Variants in ARHGEF7 observed in about 807,000 individuals in gnomAD.
The protein encoded by ARHGEF7 is PAK-interacting exchange factor beta.
A neutral mutation model predicts 109.8 loss-of-function variants in ARHGEF7; 33 were observed. The ratio of observed to expected loss-of-function variants is 0.30; its 90% CI spans 0.23 to 0.40. The LOEUF is 0.40. Ranked by LOEUF, ARHGEF7 falls within the 10% of genes least tolerant of loss-of-function variation. The probability of loss-of-function intolerance (pLI) is 1.00; values close to 1 mark genes in which losing one functional copy is unlikely to be tolerated. For synonymous variants in ARHGEF7, 458 were observed against 424.6 expected (o/e 1.08, Z -0.97); for missense variants, 938 against 1,098.5 (o/e 0.85, Z 2.07).
intron 9 of ARHGEF7, among the ~76,000 whole-genome samples, chr13:111,269,033 A>G (rs898012276): frequency 6.6e-6 from 1 of 152,234 alleles, no homozygotes; most frequent in African/African-American, 2.4e-5. Context: ...TAGAACTCAC[A>G]GCAGTGGCAG....
intron 19 of ARHGEF7, chr13:111,294,968 A>G: frequency 1.0e-6 from 1 of 985,638 alleles, no homozygotes; most frequent in Non-Finnish European, 1.2e-6. Context: ...GTGGTATAAG[A>G]TCTTGAAAAA....
chr13:111,152,201 A>G (rs2075926806), intron 1 of ARHGEF7, among the ~76,000 whole-genome samples: 1 of 152,246 alleles, frequency 6.6e-6, no homozygotes, highest in Non-Finnish European at 1.5e-5. Flanking sequence ...TGACTTGTTC[A>G]GAAACTTTTT....
At chr13:111,294,481 G>T (rs1173111439) in intron 19 of ARHGEF7, 1 of 985,262 alleles carries the variant, frequency 1.0e-6, no homozygotes, top group Non-Finnish European at 1.2e-6. Context: ...AGTTTTGACG[G>T]TTTACCATCA....
At chr13:111,215,429 G>A (rs2083006275) in intron 4 of ARHGEF7, among the ~76,000 whole-genome samples, 2 of 151,668 alleles carry the variant, frequency 1.3e-5, no homozygotes, top group East Asian at 3.9e-4. Context: ...CACAGAGAAA[G>A]AGGGGCTGGT....
Position 111,115,433 on chromosome 13 carries a change from G to C in ARHGEF7, c.-94G>C. ...CGCCGGCGCCGGCCGCTCGATGGGC[G>C]AGGCGGCGGCGGCGGCGGCGGGGGC... On this transcript the variant is annotated 5_prime_UTR_variant, in exon 1 of 22. Transcript: ENST00000646102. 1.1e-6 allele frequency: 1 copy of C among 941,880 alleles called. No individual in the cohort carries two copies. The highest frequency in any genetic ancestry group is 1.3e-6 in the Non-Finnish European group (1 of 792,560). 58.3% of individuals were successfully genotyped at this position (941,880 alleles called of 1,614,324 possible). A position where few individuals can be genotyped will look rare whatever the true frequency, so the allele number is the denominator to read the frequency against.
At chr13:111,231,288 GGTAA>G (rs1284016014) in intron 5 of ARHGEF7, among the ~76,000 whole-genome samples, 2 of 152,214 alleles carry the variant, frequency 1.3e-5, no homozygotes, top group African/African-American at 2.4e-5. Flanking sequence ...AGATTGAGTA[GGTAA>G]GTGTGCTAGC....
At chr13:111,234,410 T>G (rs1408983667) in intron 6 of ARHGEF7, among the ~76,000 whole-genome samples, 1 of 152,174 alleles carries the variant, frequency 6.6e-6, no homozygotes, top group Non-Finnish European at 1.5e-5. Flanking sequence ...ACCCACTCAT[T>G]AATAACTGTT....
chr13:111,269,748 C>T (rs1267245438), intron 9 of ARHGEF7, among the ~76,000 whole-genome samples: 1 of 152,132 alleles, frequency 6.6e-6, no homozygotes, highest in Non-Finnish European at 1.5e-5. Flanking sequence ...GTGTGCCCTC[C>T]CGAGGTCCCT....
At chr13:111,276,433 A>G (rs2092485897) in intron 12 of ARHGEF7, among the ~76,000 whole-genome samples, 1 of 152,232 alleles carries the variant, frequency 6.6e-6, no homozygotes, top group East Asian at 1.9e-4. Flanking sequence ...TAGTTTGGGT[A>G]CCATAAGAAA....
At position 111,186,744 on chromosome 13, in the gene ARHGEF7, T is replaced by A; in HGVS notation, c.253-18545T>A. ...TTGTGTCAAGAATAACTTTCTCAAG[T>A]TCCTGGAGGAGGCGAGCTGACTGGT... On this transcript the variant is annotated intron_variant, in intron 2 of 21. Coordinates refer to ENST00000646102, the MANE Select transcript of ARHGEF7 (RefSeq NM_001354046.2). The A allele has an allele frequency of 2.3e-6, 2 of 859,344 alleles. 1 individual carries two copies. The highest frequency in any genetic ancestry group is 2.8e-6 in the Non-Finnish European group (2 of 715,230). 53.2% of individuals were successfully genotyped at this position (859,344 alleles called of 1,614,324 possible). A position where few individuals can be genotyped will look rare whatever the true frequency, so the allele number is the denominator to read the frequency against.
At position 111,115,611 on chromosome 13, in the gene ARHGEF7, G is replaced by A. The variant is rs141702902; in HGVS notation, c.85G>A (p.Gly29Ser). The change falls in exon 1 of 22, where the codon GGC becomes AGC. Residue 29 changes from glycine (G) to serine (S), a missense_variant. Physicochemically the swap from Gly to Ser is moderately conservative, Grantham distance 56. Coordinates refer to ENST00000646102, the MANE Select transcript of ARHGEF7 (RefSeq NM_001354046.2). ...CAAAAAAACCATCTCGGACCCGGAG[G>A]GCTTTCTGCAGGCGTCGCTGAAGGA... is the stretch of plus-strand genomic sequence containing the variant. ...SPKKTISDPE[G>S]FLQASLKDGV... 1.5e-4 allele frequency: 210 copies of A among 1,415,034 alleles called. 1 individual carries two copies. In the African/African-American group the frequency reaches 2.8e-3, roughly 19 times the overall value. The allele number at this position is 1,415,034 out of a possible 1,614,324, so 87.7% of individuals were successfully genotyped here.
At chr13:111,249,598 G>C (rs1318666018) in intron 8 of ARHGEF7, among the ~76,000 whole-genome samples, 1 of 152,104 alleles carries the variant, frequency 6.6e-6, no homozygotes, top group Admixed American at 6.5e-5. Flanking sequence ...TCTTTCACGG[G>C]AAGGGTGATT....
At chr13:111,117,105 A>C (rs940044365) in intron 1 of ARHGEF7, among the ~76,000 whole-genome samples, 1 of 152,252 alleles carries the variant, frequency 6.6e-6, no homozygotes, top group East Asian at 1.9e-4. Flanking sequence ...GTTGAAATGC[A>C]TGCAAAGTTC....
intron 3 of ARHGEF7, among the ~76,000 whole-genome samples, chr13:111,206,237 G>A (rs72653510): frequency 2.6e-5 from 4 of 151,726 alleles, no homozygotes; most frequent in South Asian, 2.1e-4. Flanking sequence ...CTTCAGAGGG[G>A]GGGGTGTACT....
chr13:111,208,900 A>T (rs1417260306), intron 3 of ARHGEF7, among the ~76,000 whole-genome samples: 1 of 152,218 alleles, frequency 6.6e-6, no homozygotes. Context: ...GCCCCTGCCC[A>T]GCTCTGAGCC....
intron 6 of ARHGEF7, 66 bp downstream of exon 6, chr13:111,233,359 GAAT>G: frequency 7.9e-7 from 1 of 1,266,660 alleles, no homozygotes; most frequent in Non-Finnish European, 1.2e-6. Flanking sequence ...CAGCAATGTA[GAAT>G]GTAGTGTAAA....
chr13:111,282,743 G>A (rs1853536024), intron 15 of ARHGEF7: 2 of 231,748 alleles, frequency 8.6e-6, no homozygotes, highest in South Asian at 1.8e-4. Flanking sequence ...GGCTGGGGGG[G>A]AATCACCTTC....
chr13:111,115,644 G>A lies in ARHGEF7; in HGVS notation c.118G>A (p.Val40Ile). The change falls in exon 1 of 22, where the codon GTC (valine) becomes ATC (isoleucine). Residue 40 changes from valine (V) to isoleucine (I), a missense_variant. By Grantham distance (29) the Val-to-Ile change is conservative. Transcript: ENST00000646102. The stretch of plus-strand genomic sequence containing the variant: ...GCAGGCGTCGCTGAAGGATGGGGTG[G>A]TCCTCTGCAGGCTGCTGGAGCGCCT... Reference protein sequence around the residue: ...FLQASLKDGVVLCRLLERLLP... With the variant: ...FLQASLKDGVILCRLLERLLP... 7.3e-7 allele frequency: 1 copy of A among 1,371,662 alleles called. No individual in the cohort carries two copies. Among genetic ancestry groups the A allele is most frequent in the Non-Finnish European group, 9.5e-7 (1 of 1,049,918 alleles). 85.0% of individuals were successfully genotyped at this position (1,371,662 alleles called of 1,614,324 possible).
chr13:111,179,555 A>G (rs1018580675), intron 2 of ARHGEF7, among the ~76,000 whole-genome samples: 2 of 152,184 alleles, frequency 1.3e-5, no homozygotes, highest in Non-Finnish European at 2.9e-5. Flanking sequence ...GCCGTATGCT[A>G]TATCCTATAA....
Sources: gnomAD v4.1 joint callset for allele counts (sites outside exome capture counted in the v4.1 genomes callset) on GRCh38, gnomAD v4.1.1 for gene constraint, MANE v1.5 for transcripts, NCBI Gene and HGNC (gene_info 2026-07-23, HGNC 2026-07-21) for gene names.